Variants in PARP11 observed in about 807,000 individuals in gnomAD.
The protein encoded by PARP11 is poly(ADP-ribose) polymerase family member 11.
In PARP11, 31 loss-of-function variants were observed where a neutral mutation model predicts 42.9. The ratio of observed to expected loss-of-function variants is 0.72; its 90% CI spans 0.54 to 0.98. PARP11 has a LOEUF of 0.98. Ranked by LOEUF, PARP11 falls within the 50% of genes least tolerant of loss-of-function variation. The pLI is 0.00. For missense variants in PARP11, 365 were observed against 413.1 expected (o/e 0.88, Z 1.01); for synonymous variants, 137 against 127.3 (o/e 1.08, Z -0.51).
intron 1 of PARP11, among the ~76,000 whole-genome samples, chr12:3,846,756 T>TAA (rs760915174): frequency 8.9e-5 from 9 of 101,016 alleles, no homozygotes; most frequent in African/African-American, 3.0e-4. Flanking sequence ...GACTCCGTCT[T>TAA]AAAAAAAAAA....
At position 3,826,177 on chromosome 12, in the gene PARP11, AG is replaced by A; in HGVS notation, c.324del (p.Ser110LeufsTer23). ...CCATACCTGAAAGCACTGATAGAAAAGGGGGCTCTTTTTATTAAGCGCTGCT... is the reference window on the plus strand; with the variant it reads ...CCATACCTGAAAGCACTGATAGAAAAGGGGCTCTTTTTATTAAGCGCTGCT... ...TGKQRLIKRA[P>X]FSISAFSYIC... On this transcript the variant is annotated frameshift_variant, in exon 4 of 8. Coordinates refer to ENST00000228820, the MANE Select transcript of PARP11 (RefSeq NM_020367.6). LOFTEE classifies it high-confidence loss of function. 1 of 1,595,744 alleles carries A rather than the reference AG, an allele frequency of 6.3e-7. No homozygotes were observed. Among genetic ancestry groups the A allele is most frequent in the Non-Finnish European group, 8.5e-7 (1 of 1,174,012 alleles).
chr12:3,815,883 T>C (rs181697504), intron 6 of PARP11, among the ~76,000 whole-genome samples: 28 of 152,350 alleles, frequency 1.8e-4, no homozygotes, highest in Non-Finnish European at 3.5e-4. Flanking sequence ...CTGTAAATGA[T>C]AGGCAGCTCG....
At chr12:3,837,686 C>T (rs909860885) in intron 1 of PARP11, among the ~76,000 whole-genome samples, 3 of 151,490 alleles carry the variant, frequency 2.0e-5, no homozygotes, top group Non-Finnish European at 4.4e-5. Flanking sequence ...AACCAAGATC[C>T]AAATATATAC....
Position 3,840,006 on chromosome 12 carries a change from T to A in PARP11, c.19-9988A>T. 1 of 1,595,342 alleles carries A rather than the reference T, an allele frequency of 6.3e-7. No homozygotes were observed. Among genetic ancestry groups the A allele is most frequent in the Non-Finnish European group, 8.6e-7 (1 of 1,162,908 alleles). On this transcript the variant is annotated intron_variant, in intron 1 of 7. Transcript: ENST00000228820. The surrounding 1 kb of genome is among the most constrained non-coding windows in gnomAD (Gnocchi z 4.4). ...CAGGCAACGAGCAGCTGAAGAACAA[T>A]GGGAACTCTACTAGCCTGCCTTTGG...
intron 1 of PARP11, among the ~76,000 whole-genome samples, chr12:3,863,182 T>C (rs1422440809): frequency 6.6e-6 from 1 of 152,244 alleles, no homozygotes; most frequent in East Asian, 1.9e-4. Context: ...TGCTACTGTA[T>C]AGAGATACAT....
intron 1 of PARP11, among the ~76,000 whole-genome samples, chr12:3,833,579 G>C (rs1279798799): frequency 6.6e-6 from 1 of 152,166 alleles, no homozygotes; most frequent in African/African-American, 2.4e-5. Context: ...ACTCCAGCTT[G>C]ACACGGCAGA....
chr12:3,814,238 A>C (rs1297002291), intron 6 of PARP11, 50 bp from the exon 7 acceptor site: 1 of 1,416,610 alleles, frequency 7.1e-7, no homozygotes, highest in East Asian at 2.5e-5. Flanking sequence ...ATATACCATA[A>C]GTAGCATTTA....
chr12:3,819,422 G>A (rs1249305380), intron 6 of PARP11, among the ~76,000 whole-genome samples: 1 of 152,066 alleles, frequency 6.6e-6, no homozygotes, highest in African/African-American at 2.4e-5. Context: ...CTTCTTCTTT[G>A]TTGTGTCATG....
intron 3 of PARP11, among the ~76,000 whole-genome samples, chr12:3,826,502 A>G (rs1396052830): frequency 2.0e-5 from 3 of 152,246 alleles, no homozygotes; most frequent in Non-Finnish European, 4.4e-5. Flanking sequence ...TGCACGGTCT[A>G]TTCCCCTTCT....
chr12:3,815,715 C>A (rs1947272759), intron 6 of PARP11, among the ~76,000 whole-genome samples: 1 of 152,160 alleles, frequency 6.6e-6, no homozygotes. Context: ...GGTTAAAACT[C>A]CCAGGACTTT....
intron 1 of PARP11, among the ~76,000 whole-genome samples, chr12:3,843,690 A>G (rs1184735755): frequency 6.6e-6 from 1 of 152,218 alleles, no homozygotes; most frequent in Non-Finnish European, 1.5e-5. Context: ...AGTATTCACT[A>G]GAGGTTCCCT....
Position 3,809,611 on chromosome 12 carries a change from G to A in PARP11, c.*2512C>T, listed in dbSNP as rs1947130428. The A allele has an allele frequency of 6.6e-6, 1 of 152,188 alleles. No homozygotes were observed. Among genetic ancestry groups the A allele is most frequent in the African/African-American group, 2.4e-5 (1 of 41,432 alleles). 9.4% of individuals were successfully genotyped at this position (152,188 alleles called of 1,614,324 possible). ...GTAACAGTTTTTCCATTCAAGTGCT[G>A]AGAGAGCTATGCATATAAAACTTGA... On this transcript the variant is annotated 3_prime_UTR_variant, in exon 8 of 8. Transcript: ENST00000228820.
intron 1 of PARP11, among the ~76,000 whole-genome samples, chr12:3,846,975 G>T (rs1309294509): frequency 6.6e-6 from 1 of 151,946 alleles, no homozygotes; most frequent in Non-Finnish European, 1.5e-5. Context: ...TACTTGGGAG[G>T]CTGAGGTGGG....
intron 1 of PARP11, among the ~76,000 whole-genome samples, chr12:3,847,092 A>AAAG (rs1398216925): frequency 1.3e-5 from 2 of 152,146 alleles, no homozygotes; most frequent in Non-Finnish European, 2.9e-5. Context: ...AGAAAAAGAA[A>AAAG]ACAGAAGAAG....
chr12:3,833,696 A>T (rs1947695083), intron 1 of PARP11, among the ~76,000 whole-genome samples: 1 of 152,262 alleles, frequency 6.6e-6, no homozygotes, highest in African/African-American at 2.4e-5. Flanking sequence ...GCATACAAAA[A>T]GTGGAGAAAC....
chr12:3,826,333 T>TG (rs1947525033), intron 3 of PARP11, 100 bp from the exon 4 acceptor site: 1 of 816,398 alleles, frequency 1.2e-6, no homozygotes, highest in Admixed American at 2.8e-5. Context: ...TCAGGAATCA[T>TG]GGAGCTTCGG....
intron 6 of PARP11, chr12:3,815,150 T>C: frequency 2.3e-6 from 1 of 430,636 alleles, no homozygotes; most frequent in South Asian, 1.6e-5. Flanking sequence ...ATTTTCATTC[T>C]TGAAACATTT....
chr12:3,853,202 G>A (rs1303701090), intron 1 of PARP11, among the ~76,000 whole-genome samples: 8 of 152,222 alleles, frequency 5.3e-5, no homozygotes, highest in African/African-American at 1.2e-4. Context: ...AAAGACCATC[G>A]ATGCTAGGAA....
intron 4 of PARP11, among the ~76,000 whole-genome samples, chr12:3,825,493 T>C (rs527795715): frequency 6.6e-6 from 1 of 152,152 alleles, no homozygotes; most frequent in African/African-American, 2.4e-5. Flanking sequence ...GCCCCAGTAA[T>C]TGTATGGCTC....
Sources: gnomAD v4.1 joint callset for allele counts (sites outside exome capture counted in the v4.1 genomes callset) on GRCh38, gnomAD v4.1.1 for gene constraint, Gnocchi (gnomAD v3.1) non-coding constraint, MANE v1.5 for transcripts, NCBI Gene and HGNC (gene_info 2026-07-23, HGNC 2026-07-21) for gene names.